Variants in TNIK observed in about 807,000 individuals in gnomAD.
The protein encoded by TNIK is TRAF2 and NCK interacting kinase.
In TNIK, 49 loss-of-function variants were observed where a neutral mutation model predicts 191.3. The ratio of observed to expected loss-of-function variants is 0.26; its 90% CI spans 0.20 to 0.32. The LOEUF is 0.32. Among genes scored for constraint, TNIK ranks in the 10% least tolerant of loss-of-function variants. TNIK has a pLI of 1.00. For missense variants in TNIK, 1,155 were observed against 1,702.3 expected (o/e 0.68, Z 5.66); for synonymous variants, 594 against 600.9 (o/e 0.99, Z 0.17).
At chr3:171,241,067 G>C (rs183190405) in intron 2 of TNIK, among the ~76,000 whole-genome samples, 191 of 136,672 alleles carry the variant, frequency 1.4e-3, no homozygotes, top group Non-Finnish European at 2.4e-3. Context: ...TTCTGCTCTT[G>C]TTGCCCAGTT....
At chr3:171,267,860 C>T (rs1023823736) in intron 2 of TNIK, among the ~76,000 whole-genome samples, 1 of 152,176 alleles carries the variant, frequency 6.6e-6, no homozygotes, top group South Asian at 2.1e-4. Context: ...GAGCTCCCAC[C>T]ATTTATGCCA....
intron 9 of TNIK, among the ~76,000 whole-genome samples, chr3:171,173,218 A>G (rs1425280507): frequency 2.2e-5 from 2 of 91,124 alleles, no homozygotes; most frequent in East Asian, 7.0e-4. Flanking sequence ...CCCTGTCTCT[A>G]CTAAAAAAAA....
In TNIK at chr3:171,066,684, CATCT is replaced by C. The variant is rs1291830167; in HGVS notation, c.3747_3750del (p.Asp1250GlufsTer15). 1 of 1,613,822 alleles carries C rather than the reference CATCT, an allele frequency of 6.2e-7. No individual in the cohort carries two copies. The highest frequency in any genetic ancestry group is 1.7e-5 in the Admixed American group (1 of 60,000). On this transcript the variant is annotated frameshift_variant, in exon 31 of 33. Transcript: ENST00000436636. LOFTEE classifies it high-confidence loss of function. Reference sequence around the variant, plus strand: ...TCATAGCAAACAAGCATTTCCATTCCATCTGTTTTAGGCAAGATGACAATAGCAT... The same window carrying C: ...TCATAGCAAACAAGCATTTCCATTCCGTTTTAGGCAAGATGACAATAGCAT...
intron 2 of TNIK, among the ~76,000 whole-genome samples, chr3:171,279,922 C>T (rs1039308034): frequency 1.3e-5 from 2 of 152,098 alleles, no homozygotes; most frequent in East Asian, 1.9e-4. Context: ...TCTTACTCCC[C>T]CAGGTATCAG....
chr3:171,381,109 T>C (rs779809556), intron 1 of TNIK, among the ~76,000 whole-genome samples: 48 of 152,130 alleles, frequency 3.2e-4, no homozygotes, highest in Non-Finnish European at 5.9e-4. Flanking sequence ...GTGAAGGACA[T>C]ACAAATTTAT....
chr3:171,323,572 G>A (rs1577477909), intron 2 of TNIK, among the ~76,000 whole-genome samples: 1 of 152,058 alleles, frequency 6.6e-6, no homozygotes, highest in East Asian at 1.9e-4. Flanking sequence ...CTGCCCTCCA[G>A]AACTCCCACC....
intron 8 of TNIK, among the ~76,000 whole-genome samples, chr3:171,175,593 C>A (rs1465899416): frequency 6.6e-6 from 1 of 152,174 alleles, no homozygotes; most frequent in Non-Finnish European, 1.5e-5. Flanking sequence ...TTTAAGGAAA[C>A]TAAGTTAAAG....
chr3:171,079,385 G>GA, intron 28 of TNIK, 133 bp downstream of exon 28: 1 of 1,036,400 alleles, frequency 9.6e-7, no homozygotes, highest in South Asian at 2.8e-5. Context: ...AAATAATGCT[G>GA]AAGGTTCCAG....
intron 9 of TNIK, among the ~76,000 whole-genome samples, chr3:171,174,183 G>T (rs1332351047): frequency 6.6e-6 from 1 of 152,138 alleles, no homozygotes; most frequent in African/African-American, 2.4e-5. Context: ...TGTTCCACCA[G>T]GGTGGCTCTC....
intron 4 of TNIK, among the ~76,000 whole-genome samples, chr3:171,198,927 C>T (rs1293352399): frequency 6.6e-6 from 1 of 152,164 alleles, no homozygotes; most frequent in East Asian, 1.9e-4. Context: ...ATCCATTGCT[C>T]CTGTATCAGC....
chr3:171,316,980 ATCATATAAAATATATAATTATAT>A, intron 2 of TNIK, among the ~76,000 whole-genome samples: 1 of 141,252 alleles, frequency 7.1e-6, no homozygotes, highest in African/African-American at 2.6e-5. Context: ...TATGATATAT[ATCATATAAAATATATAATTATAT>A]GATATATATC....
At chr3:171,209,529 T>TC (rs759414274) in intron 4 of TNIK, among the ~76,000 whole-genome samples, 1 of 152,194 alleles carries the variant, frequency 6.6e-6, no homozygotes, top group East Asian at 1.9e-4. Flanking sequence ...TTATGGTGTA[T>TC]CCCTTTGTTG....
At chr3:171,246,572 A>G (rs1225139126) in intron 2 of TNIK, among the ~76,000 whole-genome samples, 1 of 152,242 alleles carries the variant, frequency 6.6e-6, no homozygotes, top group Non-Finnish European at 1.5e-5. Context: ...TAACATAGGC[A>G]GCATCTCATT....
chr3:171,458,761 C>T (rs1729059788), intron 1 of TNIK, among the ~76,000 whole-genome samples: 1 of 152,150 alleles, frequency 6.6e-6, no homozygotes, highest in Admixed American at 6.5e-5. Context: ...CTGGTGTCTC[C>T]CTGTAGAGAG....
At chr3:171,297,753 G>A (rs1314404483) in intron 2 of TNIK, among the ~76,000 whole-genome samples, 1 of 152,118 alleles carries the variant, frequency 6.6e-6, no homozygotes, top group African/African-American at 2.4e-5. Flanking sequence ...AATGAAATTT[G>A]AGTTTTATGT....
rs1476323557 is a variant in TNIK, at chr3:171,117,756, G to A, written c.2120+5840C>T. ...GAGGCCGAGACAGGTGGATCACGAG[G>A]TCAGGAGATCGAGATCATCCTGGCT... On this transcript the variant is annotated intron_variant, in intron 18 of 32. Transcript: ENST00000436636. Among the ~76,000 whole-genome samples, 9 of 152,214 alleles carry A rather than the reference G, an allele frequency of 5.9e-5. No homozygotes were observed. The South Asian group carries it at 1.9e-3, about 32-fold the overall frequency.
At chr3:171,315,911 G>C (rs1754547111) in intron 2 of TNIK, among the ~76,000 whole-genome samples, 1 of 152,092 alleles carries the variant, frequency 6.6e-6, no homozygotes, top group Non-Finnish European at 1.5e-5. Flanking sequence ...ATATTCACAG[G>C]TACTGGGTAT....
intron 27 of TNIK, among the ~76,000 whole-genome samples, chr3:171,080,342 C>T (rs1171538184): frequency 6.6e-6 from 1 of 152,134 alleles, no homozygotes; most frequent in Non-Finnish European, 1.5e-5. Flanking sequence ...TGGGATGACT[C>T]TTCCTAACTA....
At chr3:171,091,568 C>T (rs1722059955) in intron 23 of TNIK, among the ~76,000 whole-genome samples, 1 of 151,996 alleles carries the variant, frequency 6.6e-6, no homozygotes, top group Admixed American at 6.6e-5. Context: ...CACAGTGAAA[C>T]CCCATCTCTA....
Sources: gnomAD v4.1 joint callset for allele counts (sites outside exome capture counted in the v4.1 genomes callset) on GRCh38, gnomAD v4.1.1 for gene constraint, MANE v1.5 for transcripts, NCBI Gene and HGNC (gene_info 2026-07-23, HGNC 2026-07-21) for gene names.